The following AUTS2 variants were observed in gnomAD, a reference collection of about 807,000 sequenced individuals.
AUTS2 encodes activator of transcription and developmental regulator AUTS2, also known as autism susceptibility gene 2 protein.
A neutral mutation model predicts 112.4 loss-of-function variants in AUTS2; 17 were observed. The observed-to-expected ratio is 0.15, with a 90% confidence interval of 0.10 to 0.23. The LOEUF (loss-of-function observed/expected upper bound fraction) is 0.23, where lower values mean the gene tolerates loss of function less well. AUTS2 is among the 10% of genes least tolerant of loss of function. The pLI, the probability that AUTS2 is intolerant of heterozygous loss-of-function variation, is 1.00. For synonymous variants in AUTS2, 751 were observed against 702.7 expected (o/e 1.07, Z -1.09); for missense variants, 1,510 against 1,701.6 (o/e 0.89, Z 1.98).
chr7:70,761,645 G>A (rs548832378), intron 6 of AUTS2, among the ~76,000 whole-genome samples: 5 of 152,270 alleles, frequency 3.3e-5, no homozygotes, highest in African/African-American at 1.2e-4. Context: ...TCTGTTTTGA[G>A]ATTTTTATGG....
intron 4 of AUTS2, among the ~76,000 whole-genome samples, chr7:70,330,788 T>C (rs963935260): frequency 1.3e-5 from 2 of 152,242 alleles, no homozygotes; most frequent in African/African-American, 4.8e-5. Context: ...TCAAGTCTTT[T>C]AAAATTTCTT....
At chr7:70,625,615 A>G (rs1804898035) in intron 5 of AUTS2, among the ~76,000 whole-genome samples, 1 of 152,208 alleles carries the variant, frequency 6.6e-6, no homozygotes, top group Admixed American at 6.5e-5. Context: ...GCTTGTACCA[A>G]ACACCTGCCA....
At chr7:70,773,861 C>T (rs922621419) in intron 11 of AUTS2, among the ~76,000 whole-genome samples, 167 bp from the exon 12 acceptor site, 1 of 152,138 alleles carries the variant, frequency 6.6e-6, no homozygotes, top group Non-Finnish European at 1.5e-5. Context: ...TGGTCAGGCC[C>T]CCTTGAGAAA....
intron 4 of AUTS2, among the ~76,000 whole-genome samples, chr7:70,151,003 T>C (rs1286747519): frequency 6.6e-6 from 1 of 152,150 alleles, no homozygotes; most frequent in African/African-American, 2.4e-5. Flanking sequence ...TCTCTTTGAG[T>C]GTCCCAGCTT....
intron 4 of AUTS2, among the ~76,000 whole-genome samples, chr7:70,249,790 C>T (rs1277119951): frequency 2.0e-5 from 3 of 150,658 alleles, no homozygotes; most frequent in Non-Finnish European, 4.4e-5. Context: ...TGCAGGTGCC[C>T]ATATGGGACA....
chr7:70,249,703 A>C (rs1306175232), intron 4 of AUTS2, among the ~76,000 whole-genome samples: 1 of 151,980 alleles, frequency 6.6e-6, no homozygotes, highest in Non-Finnish European at 1.5e-5. Context: ...CCACATCCCT[A>C]AGAGGATGTT....
chr7:70,491,592 TGTGTG>T (rs1798246811), intron 5 of AUTS2, among the ~76,000 whole-genome samples: 7 of 65,730 alleles, frequency 1.1e-4, no homozygotes, highest in Non-Finnish European at 2.0e-4. Context: ...ATATATATTG[TGTGTG>T]TGTGTGTGTG....
At chr7:69,791,127 G>A (rs892078937) in intron 1 of AUTS2, among the ~76,000 whole-genome samples, 1 of 152,158 alleles carries the variant, frequency 6.6e-6, no homozygotes, top group African/African-American at 2.4e-5. Flanking sequence ...TCAGCCCCAA[G>A]CATGCTTTTT....
chr7:70,790,237 T>A lies in AUTS2; in HGVS notation c.3021T>A (p.Pro1007=). Residue 1007 remains proline, a synonymous_variant, in exon 19 of 19, where the codon CCT becomes CCA. Transcript: ENST00000342771. This position sits in a 1 kb window ranked among gnomAD's most constrained non-coding sequence, Gnocchi z 7.6. ...CCCACCGGGCCTCGGAGCCGCCGCC[T>A]CCCAACTCCTCGTCCAGCGTGCACC... The part of the protein sequence containing the change: ...PQTHRASEPP[P]PNSSSSVHPG... The A allele has an allele frequency of 6.2e-7, 1 of 1,612,602 alleles. No individual in the cohort carries two copies. Among genetic ancestry groups the A allele is most frequent in the Non-Finnish European group, 8.5e-7 (1 of 1,179,792 alleles).
At chr7:69,690,347 C>G (rs575757827) in intron 1 of AUTS2, among the ~76,000 whole-genome samples, 1 of 152,192 alleles carries the variant, frequency 6.6e-6, no homozygotes, top group Admixed American at 6.5e-5. Context: ...TGTCACTTTT[C>G]CAGCTGGAAA....
chr7:70,398,596 A>T (rs972960369), intron 4 of AUTS2, among the ~76,000 whole-genome samples: 1 of 152,186 alleles, frequency 6.6e-6, no homozygotes, highest in African/African-American at 2.4e-5. Flanking sequence ...ATAAATGCAC[A>T]TACTATTATA....
At chr7:70,189,412 T>A (rs1809768483) in intron 4 of AUTS2, among the ~76,000 whole-genome samples, 1 of 152,168 alleles carries the variant, frequency 6.6e-6, no homozygotes, top group Admixed American at 6.5e-5. Context: ...GATTCTTGTG[T>A]AGGATTAAAG....
chr7:70,298,942 A>T (rs773242542), intron 4 of AUTS2, among the ~76,000 whole-genome samples: 4 of 152,242 alleles, frequency 2.6e-5, no homozygotes, highest in Non-Finnish European at 5.9e-5. Flanking sequence ...GCCAGCCCAC[A>T]CGGGTGCACA....
At chr7:69,823,129 G>A (rs1305516651) in intron 1 of AUTS2, among the ~76,000 whole-genome samples, 2 of 152,126 alleles carry the variant, frequency 1.3e-5, no homozygotes, top group African/African-American at 2.4e-5. Flanking sequence ...TAAAAAAAAC[G>A]AAGTCATCAT....
At chr7:70,726,212 C>G (rs1475589414) in intron 6 of AUTS2, among the ~76,000 whole-genome samples, 1 of 151,854 alleles carries the variant, frequency 6.6e-6, no homozygotes, top group Non-Finnish European at 1.5e-5. Context: ...TACCTCTCAA[C>G]ACATTAGAAG....
chr7:70,113,570 A>G (rs939617329), intron 2 of AUTS2, among the ~76,000 whole-genome samples: 2 of 152,204 alleles, frequency 1.3e-5, no homozygotes, highest in Admixed American at 1.3e-4. Context: ...TTACATTCCT[A>G]CAGAAAAACT....
At chr7:70,106,156 T>C (rs1804756461) in intron 2 of AUTS2, among the ~76,000 whole-genome samples, 4 of 152,198 alleles carry the variant, frequency 2.6e-5, no homozygotes, top group Admixed American at 2.6e-4. Context: ...ATACATCTTC[T>C]GGAGCTGAGT....
intron 4 of AUTS2, among the ~76,000 whole-genome samples, chr7:70,304,077 C>T (rs1193504093): frequency 6.6e-6 from 1 of 152,174 alleles, no homozygotes; most frequent in Non-Finnish European, 1.5e-5. Flanking sequence ...TGCTCATCAC[C>T]AACACTGCAG....
intron 1 of AUTS2, among the ~76,000 whole-genome samples, chr7:69,798,395 T>G (rs1473813378): frequency 6.6e-6 from 1 of 152,172 alleles, no homozygotes; most frequent in African/African-American, 2.4e-5. Flanking sequence ...CATTACCCCC[T>G]CTTCAGGGTA....
Sources: gnomAD v4.1 joint callset for allele counts (sites outside exome capture counted in the v4.1 genomes callset) on GRCh38, gnomAD v4.1.1 for gene constraint, Gnocchi (gnomAD v3.1) non-coding constraint, MANE v1.5 for transcripts, NCBI Gene and HGNC (gene_info 2026-07-23, HGNC 2026-07-21) for gene names.